The following LITAF variants were observed in gnomAD, a reference collection of about 807,000 sequenced individuals.
The protein encoded by LITAF is lipopolysaccharide-induced tumor necrosis factor-alpha factor.
In LITAF, 9 loss-of-function variants were observed where a neutral mutation model predicts 14.5. That is an observed-to-expected ratio of 0.62 (90% confidence interval 0.37 to 1.08). The LOEUF (loss-of-function observed/expected upper bound fraction) is 1.08, where lower values mean the gene tolerates loss of function less well. Among genes scored for constraint, LITAF ranks in the 50% least tolerant of loss-of-function variants. The pLI, the probability that LITAF is intolerant of heterozygous loss-of-function variation, is 0.01. For synonymous variants in LITAF, 98 were observed against 88.2 expected, an observed-to-expected ratio of 1.11 and a Z score of -0.62; for missense variants, 206 against 213.4, an observed-to-expected ratio of 0.97 and a Z score of 0.22.
At chr16:11,624,159 C>T (rs973348595) in intron 3 of LITAF, among the ~76,000 whole-genome samples, 9 of 152,106 alleles carry the variant, frequency 5.9e-5, no homozygotes, top group Non-Finnish European at 1.0e-4. Flanking sequence ...TCTCTCTCTC[C>T]GTCTCTTGCC....
chr16:11,607,375 AC>A (rs1331863824), intron 3 of LITAF, among the ~76,000 whole-genome samples: 3 of 152,304 alleles, frequency 2.0e-5, no homozygotes, highest in Non-Finnish European at 4.4e-5. Context: ...AAAGCCCTTC[AC>A]ACCCAAGAAG....
chr16:11,562,268 C>G (rs1253259242), intron 1 of LITAF, among the ~76,000 whole-genome samples: 1 of 128,516 alleles, frequency 7.8e-6, no homozygotes, highest in Non-Finnish European at 1.6e-5. Flanking sequence ...GAGCCGAGAT[C>G]GTGTCACTGC....
intron 1 of LITAF, among the ~76,000 whole-genome samples, chr16:11,577,442 C>T (rs1057238092): frequency 2.6e-5 from 4 of 151,276 alleles, no homozygotes; most frequent in Non-Finnish European, 2.9e-5. Context: ...CTCAGCCTCC[C>T]GAGTAGCCGA....
intron 1 of LITAF, among the ~76,000 whole-genome samples, chr16:11,560,330 G>T (rs550042235): frequency 6.6e-6 from 1 of 151,620 alleles, no homozygotes; most frequent in Non-Finnish European, 1.5e-5. Flanking sequence ...AAATGTGGCG[G>T]CCAGGCACGG....
At chr16:11,559,774 G>A (rs2064330331) in intron 1 of LITAF, among the ~76,000 whole-genome samples, 2 of 147,330 alleles carry the variant, frequency 1.4e-5, no homozygotes, top group South Asian at 2.2e-4. Context: ...GCAGGAGGAT[G>A]GCTTGAGCCC....
chr16:11,563,961 T>TTACTCTGTTACCC lies in LITAF; in HGVS notation c.-5-7227_-5-7226insGGGTAACAGAGTA, dbSNP rs1384846028. 9.9e-5 allele frequency among the ~76,000 whole-genome samples: 15 copies of TTACTCTGTTACCC among 152,122 alleles called. No homozygotes were observed. The East Asian group carries it at 2.9e-3, about 29-fold the overall frequency. ...TCACTCTGTTACCCAGGCTGGAGTG[T>TTACTCTGTTACCC]AGTGGCATGATTTCAGCTCACTGCA... is the stretch of plus-strand genomic sequence containing the variant. On this transcript the variant is annotated intron_variant, in intron 1 of 3. Coordinates refer to ENST00000622633, the MANE Select transcript of LITAF (RefSeq NM_001136472.2).
chr16:11,571,850 C>A (rs935601424), intron 1 of LITAF, among the ~76,000 whole-genome samples: 1 of 152,128 alleles, frequency 6.6e-6, no homozygotes, highest in Non-Finnish European at 1.5e-5. Context: ...GTAGTCCCAG[C>A]ACTTTGGGAG....
At chr16:11,626,855 GT>G (rs201592153) in intron 3 of LITAF, among the ~76,000 whole-genome samples, 6 of 150,284 alleles carry the variant, frequency 4.0e-5, no homozygotes, top group Middle Eastern at 3.4e-3. Context: ...TCTTTTTTTT[GT>G]TTTTTTTTGA....
At chr16:11,621,636 C>T (rs967379237) in intron 3 of LITAF, among the ~76,000 whole-genome samples, 1 of 152,148 alleles carries the variant, frequency 6.6e-6, no homozygotes, top group East Asian at 1.9e-4. Context: ...CCCCCTTGCC[C>T]CTCAGGAAGC....
At chr16:11,603,691 G>GT (rs2064940184) in intron 3 of LITAF, among the ~76,000 whole-genome samples, 1 of 152,210 alleles carries the variant, frequency 6.6e-6, no homozygotes, top group Non-Finnish European at 1.5e-5. Flanking sequence ...GCATGCAATT[G>GT]TGTTTCCAGC....
At chr16:11,600,162 T>G (rs1420386759), upstream of LITAF, among the ~76,000 whole-genome samples, 1 of 152,076 alleles carries the variant, frequency 6.6e-6, no homozygotes, top group East Asian at 1.9e-4. This position sits in a 1 kb window ranked among gnomAD's most constrained non-coding sequence, Gnocchi z 4.1. Context: ...CATGCCCAGC[T>G]TGTTTTTGTA....
At chr16:11,626,358 TTTTTTA>T (rs1374269069) in intron 3 of LITAF, among the ~76,000 whole-genome samples, 1 of 151,570 alleles carries the variant, frequency 6.6e-6, no homozygotes. Context: ...TTTGTAATTT[TTTTTTA>T]AGACAGTCTT....
chr16:11,557,859 A>C (rs1185524222), intron 1 of LITAF, among the ~76,000 whole-genome samples: 1 of 152,202 alleles, frequency 6.6e-6, no homozygotes, highest in Non-Finnish European at 1.5e-5. Context: ...AGGGCAAAGA[A>C]AGGATTTCCC....
upstream of LITAF, chr16:11,587,438 C>T (rs903885145): frequency 2.6e-5 from 12 of 453,912 alleles, 1 homozygote; most frequent in South Asian, 1.4e-4. Context: ...AAGACACTCT[C>T]TGTGCCTTCG....
In LITAF at chr16:11,586,014, G is replaced by A. The variant is rs2064799735; in HGVS notation, c.-6+872C>T. On this transcript the variant is annotated intron_variant, in intron 1 of 3. Transcript: ENST00000622633. The surrounding 1 kb of genome is among the most constrained non-coding windows in gnomAD (Gnocchi z 6.5). ...CTCTCCCTGACCCCGAAGAGCTTCG[G>A]GCACACCACCAACTGACCACCTATC... 1 of 152,666 alleles carries A rather than the reference G, an allele frequency of 6.6e-6. No homozygotes were observed. Among genetic ancestry groups the A allele is most frequent in the Non-Finnish European group, 1.5e-5 (1 of 68,420 alleles). The allele number at this position is 152,666 out of a possible 1,614,324, so 9.5% of individuals were successfully genotyped here. A position where few individuals can be genotyped will look rare whatever the true frequency, so the allele number is the denominator to read the frequency against.
intron 2 of LITAF, among the ~76,000 whole-genome samples, chr16:11,555,711 G>A (rs964383629): frequency 6.6e-6 from 1 of 151,818 alleles, no homozygotes; most frequent in Admixed American, 6.6e-5. Context: ...TCACAGGATG[G>A]TCTAAGAATC....
chr16:11,606,732 T>G (rs562460296), intron 3 of LITAF, among the ~76,000 whole-genome samples: 1 of 151,920 alleles, frequency 6.6e-6, no homozygotes, highest in African/African-American at 2.4e-5. Context: ...CCTCCCGGGT[T>G]CAATCGAATT....
At chr16:11,594,832 T>C (rs1011022654) in intron 1 of LITAF, among the ~76,000 whole-genome samples, 2 of 151,544 alleles carry the variant, frequency 1.3e-5, no homozygotes, top group South Asian at 4.2e-4. Flanking sequence ...GCCAAGATCA[T>C]GCCACTGCCC....
At chr16:11,599,630 G>C (rs1276251527), upstream of LITAF, among the ~76,000 whole-genome samples, 1 of 152,094 alleles carries the variant, frequency 6.6e-6, no homozygotes, top group Admixed American at 6.6e-5. Flanking sequence ...TCTGGACTCA[G>C]TCTCCCCAAA....
Sources: gnomAD v4.1 joint callset for allele counts (sites outside exome capture counted in the v4.1 genomes callset) on GRCh38, gnomAD v4.1.1 for gene constraint, Gnocchi (gnomAD v3.1) non-coding constraint, MANE v1.5 for transcripts, NCBI Gene and HGNC (gene_info 2026-07-23, HGNC 2026-07-21) for gene names.